The following NARF variants were observed in gnomAD, a reference collection of about 807,000 sequenced individuals.
NARF encodes the protein iron-only hydrogenase-like protein 2.
In NARF, 41 loss-of-function variants were observed where a neutral mutation model predicts 48.0. The observed-to-expected ratio is 0.85, with a 90% CI of 0.66 to 1.11. The LOEUF (loss-of-function observed/expected upper bound fraction) is 1.11. Among genes scored for constraint, NARF ranks in the 50% least tolerant of loss-of-function variants. NARF has a pLI of 0.00. For missense variants in NARF, 613 were observed against 590.2 expected (o/e 1.04, Z -0.40); for synonymous variants, 215 against 225.5 (o/e 0.95, Z 0.42).
intron 3 of NARF, among the ~76,000 whole-genome samples, chr17:82,468,254 C>T (rs192359584): frequency 5.8e-4 from 88 of 150,766 alleles, no homozygotes; most frequent in African/African-American, 2.0e-3. Flanking sequence ...GAAGTTGCAG[C>T]GAGCTGAGAT....
chr17:82,461,649 C>T (rs1400640873), intron 2 of NARF, among the ~76,000 whole-genome samples: 1 of 152,192 alleles, frequency 6.6e-6, no homozygotes, highest in Non-Finnish European at 1.5e-5. Flanking sequence ...TCTCATTTCA[C>T]GCCCAGAAGG....
At position 82,487,999 on chromosome 17, in the gene NARF, G is replaced by C. The variant is rs760628241; in HGVS notation, c.1213G>C (p.Ala405Pro). The change falls in exon 11 of 11, where the codon GCT becomes CCT. Residue 405 changes from alanine to proline, a missense_variant. Physicochemically the swap from Ala to Pro is conservative, Grantham distance 27. Coordinates refer to ENST00000309794, the MANE Select transcript of NARF (RefSeq NM_012336.4). ...ALLRQMEGIY[A>P]DIPVRRPESS... ...GCTGCGGCAGATGGAAGGCATTTAC[G>C]CTGACATCCCTGTGCGGCGTCCGGA... 3 of 1,614,186 alleles carry C rather than the reference G, an allele frequency of 1.9e-6. No homozygotes were observed. The highest frequency in any genetic ancestry group is 1.7e-6 in the Non-Finnish European group (2 of 1,180,040).
chr17:82,459,045 A>G, intron 1 of NARF: 2 of 1,205,956 alleles, frequency 1.7e-6, no homozygotes, highest in South Asian at 4.3e-5. Flanking sequence ...TTCTCCCTGA[A>G]CTTGTCCATC....
intron 3 of NARF, among the ~76,000 whole-genome samples, chr17:82,467,598 G>A (rs1202675083): frequency 6.6e-6 from 1 of 152,014 alleles, no homozygotes; most frequent in African/African-American, 2.4e-5. Context: ...TCCACCTCCC[G>A]GGTTCAAGCG....
intron 2 of NARF, among the ~76,000 whole-genome samples, chr17:82,462,384 CAG>C (rs1302188155): frequency 6.6e-6 from 1 of 152,120 alleles, no homozygotes; most frequent in African/African-American, 2.4e-5. Flanking sequence ...GGGGGTGACT[CAG>C]GTGTTTGTTT....
intron 3 of NARF, 92 bp from the exon 4 acceptor site, chr17:82,468,672 A>G (rs2043626734): frequency 1.6e-6 from 2 of 1,232,472 alleles, no homozygotes; most frequent in Non-Finnish European, 2.3e-6. Context: ...TAGACCATCT[A>G]TTAACGTTGT....
In NARF at chr17:82,483,772, G is replaced by T. The variant is rs202157877; in HGVS notation, c.826G>T (p.Asp276Tyr). The T allele has an allele frequency of 6.2e-7, 1 of 1,613,484 alleles. No homozygotes were observed. Among genetic ancestry groups the T allele is most frequent in the Non-Finnish European group, 8.5e-7 (1 of 1,179,954 alleles). ...CCTCTCAGTGAGAGATGCTGCCGTC[G>T]ACACTCTGTAAGTGGCTTCTCTGGG... ...GDLSVRDAAV[D>Y]TLFGDLKEDK... The change falls in exon 8 of 11, where the codon GAC becomes TAC. Residue 276 changes from aspartate (D) to tyrosine (Y), a missense_variant. By Grantham distance (160) the Asp-to-Tyr change is radical. Coordinates refer to ENST00000309794, the MANE Select transcript of NARF (RefSeq NM_012336.4).
chr17:82,480,755 A>G, intron 6 of NARF: 1 of 481,642 alleles, frequency 2.1e-6, no homozygotes, highest in South Asian at 3.6e-5. Flanking sequence ...AACACGGTGA[A>G]ACCCCATCTC....
intron 2 of NARF, among the ~76,000 whole-genome samples, chr17:82,462,038 G>A (rs773861017): frequency 3.3e-5 from 5 of 152,074 alleles, no homozygotes; most frequent in African/African-American, 4.8e-5. Flanking sequence ...TGGTTGTGTC[G>A]TTGTAGACAG....
intron 2 of NARF, among the ~76,000 whole-genome samples, chr17:82,461,742 A>G (rs2043445254): frequency 6.6e-6 from 1 of 152,246 alleles, no homozygotes; most frequent in Admixed American, 6.5e-5. Context: ...CTACCCTTAG[A>G]AAGTACTAGT....
chr17:82,482,184 G>T (rs1049774999), intron 7 of NARF: 2 of 372,182 alleles, frequency 5.4e-6, no homozygotes, highest in Non-Finnish European at 1.0e-5. Flanking sequence ...GGTAGATGAG[G>T]CAGAGAGGTC....
At chr17:82,459,822 T>C (rs947940397) in intron 1 of NARF, among the ~76,000 whole-genome samples, 170 bp from the exon 2 acceptor site, 3 of 151,972 alleles carry the variant, frequency 2.0e-5, no homozygotes, top group Non-Finnish European at 2.9e-5. Context: ...TGAGCCGAGA[T>C]TGCGCCCCTG....
In NARF at chr17:82,460,022, C is replaced by G; in HGVS notation, c.58C>G (p.Gln20Glu). The G allele has an allele frequency of 1.9e-6, 3 of 1,613,646 alleles. No homozygotes were observed. Among genetic ancestry groups the G allele is most frequent in the Non-Finnish European group, 2.5e-6 (3 of 1,179,828 alleles). Reference protein sequence around the residue: ...ECSKKTKTDDQENVSADAPSP... With the variant: ...ECSKKTKTDDEENVSADAPSP... Reference sequence around the variant, plus strand: ...TAGTAAGAAAACAAAAACTGATGACCAAGAGAATGTGTCAGCCGATGCACC... The same window carrying G: ...TAGTAAGAAAACAAAAACTGATGACGAAGAGAATGTGTCAGCCGATGCACC... The change falls in exon 2 of 11, where the codon CAA (glutamine) becomes GAA (glutamate). Residue 20 changes from glutamine (Q) to glutamate (E), a missense_variant. By Grantham distance (29) the Gln-to-Glu change is conservative. Transcript: ENST00000309794.
chr17:82,459,207 C>G, intron 1 of NARF: 18 of 1,035,242 alleles, frequency 1.7e-5, no homozygotes, highest in Non-Finnish European at 2.1e-5. Context: ...TGAGGGTCAC[C>G]GAGCAGCCGG....
Position 82,468,962 on chromosome 17 carries a change from A to G in NARF, c.385+66A>G. On this transcript the variant is annotated intron_variant, in intron 4 of 10. Transcript: ENST00000309794. ...TTTATAAGCGCCCTTTTTAATCTCT[A>G]AAGTTCGTTTTTCAAGGACGCAGGG... 6.3e-6 allele frequency: 10 copies of G among 1,583,904 alleles called. No individual in the cohort carries two copies. In the South Asian group the frequency reaches 9.2e-5, roughly 15 times the overall value.
intron 6 of NARF, 53 bp downstream of exon 6, chr17:82,478,971 A>C: frequency 6.5e-7 from 1 of 1,539,860 alleles, no homozygotes. Context: ...GGACCATGGC[A>C]CAGGGGCCCA....
intron 1 of NARF, 126 bp from the exon 2 acceptor site, chr17:82,459,865 TA>T (rs57897512): frequency 0.41 from 307,765 of 750,660 alleles, 71,125 homozygotes; most frequent in East Asian, 0.92. Flanking sequence ...AGACTCCGTC[TA>T]AAAAAATAAA....
At position 82,488,199 on chromosome 17, in the gene NARF, A is replaced by C; in HGVS notation, c.*42A>C. On this transcript the variant is annotated 3_prime_UTR_variant, in exon 11 of 11. Transcript: ENST00000309794. ...TCCAGCTGCTCTTGGGGCCAGAGCC[A>C]AGAGCCTCTCAGTAGAGGGAGGGGC... is the stretch of plus-strand genomic sequence containing the variant. The C allele has an allele frequency of 1.2e-6, 2 of 1,600,498 alleles. No individual in the cohort carries two copies. Among genetic ancestry groups the C allele is most frequent in the Non-Finnish European group, 1.7e-6 (2 of 1,171,644 alleles).
At chr17:82,462,529 G>A (rs950919500) in intron 2 of NARF, 1 of 152,582 alleles carries the variant, frequency 6.6e-6, no homozygotes, top group African/African-American at 2.4e-5. Flanking sequence ...GAGTGATAGA[G>A]ACAGAACAGA....
Sources: allele counts gnomAD v4.1 joint callset (sites outside exome capture counted in the v4.1 genomes callset), GRCh38; gene constraint gnomAD v4.1.1; transcripts MANE v1.5; gene names NCBI Gene and HGNC (gene_info 2026-07-23, HGNC 2026-07-21).